The following RGS6 variants were observed in gnomAD, a reference collection of about 807,000 sequenced individuals.
RGS6 encodes regulator of G protein signaling 6.
In RGS6, 30 loss-of-function variants were observed where a neutral mutation model predicts 78.5. The observed-to-expected ratio is 0.38, with a 90% CI of 0.29 to 0.52. The LOEUF is 0.52. Among genes scored for constraint, RGS6 ranks in the 20% least tolerant of loss-of-function variants. The pLI, the probability that RGS6 is intolerant of heterozygous loss-of-function variation, is 0.85. For missense variants in RGS6, 495 were observed against 609.7 expected, an observed-to-expected ratio of 0.81 and a Z score of 1.98; for synonymous variants, 206 against 206.0, an observed-to-expected ratio of 1.00 and a Z score of 0.00.
chr14:71,868,450 C>T, the RGS6 span, among the ~76,000 whole-genome samples: 1 of 152,282 alleles, frequency 6.6e-6, no homozygotes, highest in South Asian at 2.1e-4. Context: ...CATATTTACA[C>T]TCCTATATGG....
Position 72,045,291 on chromosome 14 carries a change from C to T in RGS6, c.84+80416C>T, listed in dbSNP as rs111986452. Among the ~76,000 whole-genome samples the T allele has an allele frequency of 6.6e-3, 1,003 of 152,048 alleles. 7 individuals carry two copies. The highest frequency in any genetic ancestry group is 0.015 in the Admixed American group (232 of 15,268). On this transcript the variant is annotated intron_variant, in intron 2 of 17. Coordinates refer to ENST00000553525, the MANE Select transcript of RGS6 (RefSeq NM_001204424.2). ...GCCTCTTCAAATTGTTTTTTCTTGC[C>T]TTTTAGCATGCCTTGTAATTTTCAT...
intron 2 of RGS6, among the ~76,000 whole-genome samples, chr14:72,320,237 G>A (rs1253308736): frequency 6.6e-6 from 1 of 152,118 alleles, no homozygotes; most frequent in Non-Finnish European, 1.5e-5. Context: ...AATAAAACGT[G>A]TCCAACATTT....
intron 12 of RGS6, among the ~76,000 whole-genome samples, chr14:72,480,245 T>C (rs764597850): frequency 6.6e-5 from 10 of 152,180 alleles, no homozygotes; most frequent in Non-Finnish European, 1.3e-4. Flanking sequence ...TGTTATATCT[T>C]TGGGATGCAG....
chr14:72,280,997 A>C (rs1403527955), intron 2 of RGS6, among the ~76,000 whole-genome samples: 1 of 152,234 alleles, frequency 6.6e-6, no homozygotes, highest in Admixed American at 6.5e-5. Flanking sequence ...GCAGATGTTT[A>C]GTTGATGAAA....
the RGS6 span, among the ~76,000 whole-genome samples, chr14:71,879,676 C>T: frequency 6.6e-6 from 1 of 152,106 alleles, no homozygotes; most frequent in Non-Finnish European, 1.5e-5. Context: ...GTAAAATGTG[C>T]CTTTCGCCTT....
intron 3 of RGS6, among the ~76,000 whole-genome samples, chr14:72,412,678 C>A (rs150425749): frequency 0.029 from 4,400 of 152,174 alleles, 197 homozygotes; most frequent in African/African-American, 0.1. Flanking sequence ...AATTTTAGAC[C>A]TTTCGTGCTT....
intron 2 of RGS6, among the ~76,000 whole-genome samples, chr14:72,294,320 A>G (rs1320941378): frequency 6.6e-6 from 1 of 152,206 alleles, no homozygotes; most frequent in Non-Finnish European, 1.5e-5. Flanking sequence ...GCCCACATCT[A>G]CAGACTGGGA....
rs201402706 is a variant in RGS6, at chr14:72,106,799, GT to G, written c.84+141926del. ...GAGGTTCTCAGAGTGGATTTTGCTG[GT>G]TGTGTACTCATGGTGCAGTGTAACA... On this transcript the variant is annotated intron_variant, in intron 2 of 17. Coordinates refer to ENST00000553525, the MANE Select transcript of RGS6 (RefSeq NM_001204424.2). Among the ~76,000 whole-genome samples the G allele has an allele frequency of 9.3e-3, 1,422 of 152,260 alleles. 18 individuals carry two copies. Among genetic ancestry groups the G allele is most frequent in the African/African-American group, 0.033 (1,370 of 41,540 alleles).
chr14:72,021,387 C>T (rs941694042), intron 2 of RGS6, among the ~76,000 whole-genome samples: 4 of 152,018 alleles, frequency 2.6e-5, no homozygotes, highest in African/African-American at 4.8e-5. Context: ...TGAGTGCTTA[C>T]TCCATACCAC....
intron 2 of RGS6, among the ~76,000 whole-genome samples, chr14:72,162,627 C>A (rs2096868263): frequency 6.6e-6 from 1 of 152,090 alleles, no homozygotes; most frequent in Admixed American, 6.5e-5. Flanking sequence ...CTTTCTAAAA[C>A]CTTTGCATAA....
At position 72,287,495 on chromosome 14, in the gene RGS6, C is replaced by A. The variant is rs1032057795; in HGVS notation, c.85-64600C>A. Among the ~76,000 whole-genome samples, 31 of 152,016 alleles carry A rather than the reference C, an allele frequency of 2.0e-4. 1 individual carries two copies. The highest frequency in any genetic ancestry group is 2.9e-5 in the Non-Finnish European group (2 of 67,992). ...TTTTTGAGACAGAGTCTCACTCTGTCACCCAGGCTGGAGTGCAGTGGCGTG... is the reference window on the plus strand; with the variant it reads ...TTTTTGAGACAGAGTCTCACTCTGTAACCCAGGCTGGAGTGCAGTGGCGTG... On this transcript the variant is annotated intron_variant, in intron 2 of 17. Coordinates refer to ENST00000553525, the MANE Select transcript of RGS6 (RefSeq NM_001204424.2).
At chr14:72,426,214 A>G (rs552954982) in intron 3 of RGS6, among the ~76,000 whole-genome samples, 1 of 152,290 alleles carries the variant, frequency 6.6e-6, no homozygotes, top group South Asian at 2.1e-4. Flanking sequence ...CCTTAACATA[A>G]TTCTTAGAGT....
At position 72,451,580 on chromosome 14, in the gene RGS6, A is replaced by G. The variant is rs1394956385; in HGVS notation, c.185-2948A>G. On this transcript the variant is annotated intron_variant, in intron 3 of 17. Coordinates refer to ENST00000553525, the MANE Select transcript of RGS6 (RefSeq NM_001204424.2). ...TAGTGACATGGATATTAATGATGAC[A>G]GTAATTAACAGGGGAAAGGAAGGGC... Among the ~76,000 whole-genome samples, 4 of 152,222 alleles carry G rather than the reference A, an allele frequency of 2.6e-5. 1 individual carries two copies. Among genetic ancestry groups the G allele is most frequent in the South Asian group, 4.1e-4 (2 of 4,824 alleles).
At chr14:72,459,924 T>C (rs1597827722) in intron 6 of RGS6, among the ~76,000 whole-genome samples, 1 of 152,140 alleles carries the variant, frequency 6.6e-6, no homozygotes, top group African/African-American at 2.4e-5. Flanking sequence ...AAAAATCTTA[T>C]CAAGGGTGGT....
intron 2 of RGS6, among the ~76,000 whole-genome samples, chr14:72,051,605 C>T (rs36736): frequency 0.27 from 40,620 of 151,954 alleles, 5,790 homozygotes; most frequent in Admixed American, 0.32. Flanking sequence ...GTGTGTGTGG[C>T]GGTGAAAGGG....
chr14:72,154,883 G>A (rs1441227928), intron 2 of RGS6, among the ~76,000 whole-genome samples: 1 of 152,198 alleles, frequency 6.6e-6, no homozygotes, highest in Admixed American at 6.5e-5. Flanking sequence ...AGTTACAACA[G>A]CATGACCATG....
chr14:72,496,562 T>C (rs1239720452), intron 13 of RGS6, among the ~76,000 whole-genome samples: 1 of 152,222 alleles, frequency 6.6e-6, no homozygotes, highest in Non-Finnish European at 1.5e-5. Flanking sequence ...ATTGTAGTTA[T>C]TTAAGAATGA....
chr14:72,459,655 C>A lies in RGS6; in HGVS notation c.366C>A (p.Asn122Lys). Residue 122 changes from asparagine to lysine, a missense_variant, in exon 6 of 18, where the codon AAC becomes AAA. Coordinates refer to ENST00000553525, the MANE Select transcript of RGS6 (RefSeq NM_001204424.2). ...RFQAPYFWPSNCWEPENTDYA... is the reference protein window; with the variant it reads ...RFQAPYFWPSKCWEPENTDYA... ...AGGCTCCGTACTTCTGGCCTTCGAACTGCTGGGAACCTGAAAACACTGACT... is the reference window on the plus strand; with the variant it reads ...AGGCTCCGTACTTCTGGCCTTCGAAATGCTGGGAACCTGAAAACACTGACT... 1 of 1,614,176 alleles carries A rather than the reference C, an allele frequency of 6.2e-7. No homozygotes were observed. Among genetic ancestry groups the A allele is most frequent in the Non-Finnish European group, 8.5e-7 (1 of 1,180,038 alleles).
intron 3 of RGS6, among the ~76,000 whole-genome samples, chr14:72,437,622 C>A (rs748418559): frequency 9.9e-5 from 15 of 152,202 alleles, no homozygotes; most frequent in Non-Finnish European, 1.3e-4. Context: ...TTACACCATC[C>A]TTTTCCCATT....
Sources: allele counts gnomAD v4.1 joint callset (sites outside exome capture counted in the v4.1 genomes callset), GRCh38; gene constraint gnomAD v4.1.1; transcripts MANE v1.5; gene names NCBI Gene and HGNC (gene_info 2026-07-23, HGNC 2026-07-21).